PIBF1: variants seen among roughly 807,000 people sequenced by gnomAD.
The protein encoded by PIBF1 is progesterone-induced-blocking factor 1.
PIBF1 carries 90 observed loss-of-function variants against 112.5 expected under a neutral mutation model. The ratio of observed to expected loss-of-function variants is 0.80; its 90% CI spans 0.67 to 0.95. The LOEUF is 0.95. PIBF1 is among the 40% of genes least tolerant of loss of function. PIBF1 has a pLI of 0.00. For synonymous variants in PIBF1, 301 were observed against 288.6 expected, an observed-to-expected ratio of 1.04 and a Z score of -0.44; for missense variants, 915 against 852.3, an observed-to-expected ratio of 1.07 and a Z score of -0.92.
Position 72,887,945 on chromosome 13 carries a change from A to G in PIBF1, c.1323-5839A>G, listed in dbSNP as rs75012373. Among the ~76,000 whole-genome samples the G allele has an allele frequency of 8.5e-3, 1,300 of 152,322 alleles. 66 individuals are homozygous for G. Among genetic ancestry groups the G allele is most frequent in the East Asian group, 9.6e-3 (50 of 5,188 alleles). The stretch of plus-strand genomic sequence containing the variant: ...ATAAGAATACCCTCCACCAAGGTCA[A>G]TACAGTAGAAGCCCGTATGCTTTTT... On this transcript the variant is annotated intron_variant, in intron 10 of 17. Transcript: ENST00000326291.
chr13:72,935,763 T>A (rs1323021885), intron 14 of PIBF1, among the ~76,000 whole-genome samples: 1 of 152,164 alleles, frequency 6.6e-6, no homozygotes, highest in South Asian at 2.1e-4. Context: ...TGGTTTTAAT[T>A]TGCATTTCTC....
intron 16 of PIBF1, among the ~76,000 whole-genome samples, chr13:72,988,867 T>A (rs2043386089): frequency 6.6e-6 from 1 of 151,942 alleles, no homozygotes. Context: ...TGAAACCCTG[T>A]CTCTACTAAA....
At chr13:72,865,816 A>C (rs943884778) in intron 10 of PIBF1, among the ~76,000 whole-genome samples, 5 of 152,210 alleles carry the variant, frequency 3.3e-5, no homozygotes, top group Admixed American at 6.5e-5. Flanking sequence ...AATATGTGTG[A>C]AGTTGAACAT....
chr13:72,951,718 C>T (rs993713791), intron 14 of PIBF1, among the ~76,000 whole-genome samples: 1 of 152,116 alleles, frequency 6.6e-6, no homozygotes, highest in South Asian at 2.1e-4. Context: ...TAGACAGATG[C>T]ATAATGACAT....
At chr13:72,824,755 A>G (rs542789684) in intron 6 of PIBF1, among the ~76,000 whole-genome samples, 1 of 152,344 alleles carries the variant, frequency 6.6e-6, no homozygotes, top group South Asian at 2.1e-4. Flanking sequence ...CTAATTTTAA[A>G]GGGCAAAAGG....
chr13:73,007,299 GTT>G (rs200537484), intron 17 of PIBF1, among the ~76,000 whole-genome samples: 25 of 139,766 alleles, frequency 1.8e-4, no homozygotes, highest in African/African-American at 2.6e-4. Context: ...TTTTGTTTTT[GTT>G]TTTTTTTTTT....
chr13:72,817,229 G>T (rs1437686639), intron 5 of PIBF1, among the ~76,000 whole-genome samples: 1 of 152,092 alleles, frequency 6.6e-6, no homozygotes, highest in Non-Finnish European at 1.5e-5. Flanking sequence ...TGAAACATAG[G>T]TTGCTGCTTT....
chr13:72,950,796 G>A (rs1487141557), intron 14 of PIBF1, among the ~76,000 whole-genome samples: 2 of 152,110 alleles, frequency 1.3e-5, no homozygotes, highest in African/African-American at 4.8e-5. Context: ...TACTGGAGTT[G>A]GGGAGAAACA....
intron 15 of PIBF1, 40 bp downstream of exon 15, chr13:72,965,444 A>AT (rs1255436018): frequency 6.6e-7 from 1 of 1,516,542 alleles, no homozygotes; most frequent in Non-Finnish European, 9.0e-7. Flanking sequence ...TAATAAAGAC[A>AT]TTGTTACCAT....
intron 5 of PIBF1, among the ~76,000 whole-genome samples, chr13:72,810,611 T>C (rs2035961731): frequency 6.6e-6 from 1 of 152,148 alleles, no homozygotes; most frequent in Non-Finnish European, 1.5e-5. Flanking sequence ...TTTTAGGGAG[T>C]GTTAACTGTT....
intron 17 of PIBF1, among the ~76,000 whole-genome samples, chr13:73,004,505 G>GAAAGA (rs1555332458): frequency 0.011 from 1,585 of 141,712 alleles, 28 homozygotes; most frequent in African/African-American, 0.037. Context: ...AAAAAAAAAA[G>GAAAGA]AAAGAAAAGA....
chr13:72,788,677 T>G (rs2034730444), intron 2 of PIBF1, among the ~76,000 whole-genome samples: 1 of 152,144 alleles, frequency 6.6e-6, no homozygotes, highest in African/African-American at 2.4e-5. Context: ...TGGCCTCAAT[T>G]GACTAACATT....
At chr13:72,807,008 G>T in intron 5 of PIBF1, among the ~76,000 whole-genome samples, 1 of 149,644 alleles carries the variant, frequency 6.7e-6, no homozygotes. Flanking sequence ...CTATTTTAAG[G>T]TTACATAATA....
intron 11 of PIBF1, among the ~76,000 whole-genome samples, chr13:72,906,691 C>A (rs1954900740): frequency 6.6e-6 from 1 of 152,118 alleles, no homozygotes; most frequent in South Asian, 2.1e-4. Flanking sequence ...TAAATTACAT[C>A]TCTCGTAATG....
chr13:72,844,760 C>CACACACACGGATGAAGTCTTACTGTTT (rs1566348421), intron 9 of PIBF1, among the ~76,000 whole-genome samples: 2 of 129,622 alleles, frequency 1.5e-5, no homozygotes, highest in South Asian at 2.7e-4. Context: ...CACACACACA[C>CACACACACGGATGAAGTCTTACTGTTT]ACACACACAC....
At chr13:72,944,596 GGAGAAAAGT>G (rs2138829671) in intron 14 of PIBF1, among the ~76,000 whole-genome samples, 1 of 152,090 alleles carries the variant, frequency 6.6e-6, no homozygotes, top group East Asian at 1.9e-4. Flanking sequence ...AAGCATTTTA[GGAGAAAAGT>G]GAAAAGCTGC....
chr13:72,912,514 A>G (rs530407122), intron 12 of PIBF1, among the ~76,000 whole-genome samples: 5 of 152,326 alleles, frequency 3.3e-5, no homozygotes, highest in African/African-American at 9.6e-5. Flanking sequence ...AATTAGAAAG[A>G]CTGACTATAC....
At chr13:72,890,999 AG>A (rs1311838118) in intron 10 of PIBF1, among the ~76,000 whole-genome samples, 1 of 152,176 alleles carries the variant, frequency 6.6e-6, no homozygotes, top group Non-Finnish European at 1.5e-5. Flanking sequence ...TATGAAACTT[AG>A]ACTATATTCA....
At chr13:72,897,273 G>T (rs1216039347) in intron 11 of PIBF1, among the ~76,000 whole-genome samples, 1 of 152,112 alleles carries the variant, frequency 6.6e-6, no homozygotes, top group Non-Finnish European at 1.5e-5. Context: ...CCATTACCAA[G>T]CCACCACTAT....
Sources: allele counts gnomAD v4.1 joint callset (sites outside exome capture counted in the v4.1 genomes callset), GRCh38; gene constraint gnomAD v4.1.1; transcripts MANE v1.5; gene names NCBI Gene and HGNC (gene_info 2026-07-23, HGNC 2026-07-21).